Variants in TNFAIP8 observed in about 807,000 individuals in gnomAD.
The protein encoded by TNFAIP8 is tumor necrosis factor alpha-induced protein 8.
In TNFAIP8, 7 loss-of-function variants were observed where a neutral mutation model predicts 13.3. The ratio of observed to expected loss-of-function variants is 0.52; its 90% confidence interval spans 0.30 to 0.99. TNFAIP8 has a LOEUF of 0.99. Among genes scored for constraint, TNFAIP8 ranks in the 50% least tolerant of loss-of-function variants. The pLI is 0.07. For synonymous variants in TNFAIP8, 94 were observed against 87.6 expected, an observed-to-expected ratio of 1.07 and a Z score of -0.41; for missense variants, 258 against 236.9, an observed-to-expected ratio of 1.09 and a Z score of -0.58.
chr5:119,345,357 T>G (rs1307747909), intron 1 of TNFAIP8, among the ~76,000 whole-genome samples: 1 of 152,186 alleles, frequency 6.6e-6, no homozygotes, highest in Non-Finnish European at 1.5e-5. Context: ...TACCATATGA[T>G]TTAGCAATTT....
intron 1 of TNFAIP8, among the ~76,000 whole-genome samples, chr5:119,368,898 G>A (rs1020827769): frequency 5.3e-5 from 8 of 152,010 alleles, no homozygotes; most frequent in Admixed American, 3.9e-4. Context: ...GGCCTGAGTA[G>A]CCCCTGCTAT....
chr5:119,378,678 A>G (rs1371169683), intron 1 of TNFAIP8, among the ~76,000 whole-genome samples: 1 of 152,218 alleles, frequency 6.6e-6, no homozygotes. Context: ...TCTCCAAACA[A>G]AAGTAGCTGG....
intron 1 of TNFAIP8, among the ~76,000 whole-genome samples, chr5:119,309,405 C>G (rs545986733): frequency 9.9e-5 from 15 of 152,166 alleles, no homozygotes; most frequent in South Asian, 4.2e-4. Flanking sequence ...GTTTCTGGAC[C>G]CTTTTGAGAA....
At chr5:119,286,763 A>G (rs1405709955) in intron 1 of TNFAIP8, among the ~76,000 whole-genome samples, 2 of 152,202 alleles carry the variant, frequency 1.3e-5, no homozygotes, top group Admixed American at 6.5e-5. Flanking sequence ...GTGCGGGAAT[A>G]CAAAGGTGAA....
chr5:119,307,630 A>G (rs1002785894), intron 1 of TNFAIP8, among the ~76,000 whole-genome samples: 1 of 152,216 alleles, frequency 6.6e-6, no homozygotes, highest in African/African-American at 2.4e-5. Context: ...ACAATTCTCA[A>G]TTGGAGATAT....
intron 1 of TNFAIP8, among the ~76,000 whole-genome samples, chr5:119,359,345 G>T (rs1751549885): frequency 6.6e-6 from 1 of 152,188 alleles, no homozygotes; most frequent in East Asian, 1.9e-4. Context: ...CCTAAACTCA[G>T]ATCCCCTGTC....
intron 1 of TNFAIP8, chr5:119,306,740 A>G (rs1749579578): frequency 6.6e-6 from 1 of 152,102 alleles, no homozygotes; most frequent in Non-Finnish European, 1.5e-5. Context: ...CCAAGCCATT[A>G]CCTTTTAGGA....
intron 1 of TNFAIP8, among the ~76,000 whole-genome samples, chr5:119,316,716 T>A (rs1749905856): frequency 6.6e-6 from 1 of 152,214 alleles, no homozygotes; most frequent in African/African-American, 2.4e-5. Flanking sequence ...CAGGTATCAG[T>A]ATTTTTAAAA....
chr5:119,393,543 A>G lies in TNFAIP8; in HGVS notation c.*162A>G, dbSNP rs1442760077. 1 of 823,250 alleles carries G rather than the reference A, an allele frequency of 1.2e-6. No homozygotes were observed. Among genetic ancestry groups the G allele is most frequent in the Non-Finnish European group, 1.8e-6 (1 of 548,100 alleles). The allele number at this position is 823,250 out of a possible 1,614,324, so 51.0% of individuals were successfully genotyped here. On this transcript the variant is annotated 3_prime_UTR_variant, in exon 2 of 2. Transcript: ENST00000504771. ...AATGATTTATTTGAAGGCTTGTTTT[A>G]TTTGAAGAAAAGCATATTGCCAAAA...
chr5:119,367,804 T>C (rs534267839), intron 1 of TNFAIP8, among the ~76,000 whole-genome samples: 93 of 152,298 alleles, frequency 6.1e-4, no homozygotes, highest in African/African-American at 2.2e-3. Context: ...GTCTGATGAG[T>C]GTTAAAGTTC....
At chr5:119,282,873 G>A (rs1748675422) in intron 1 of TNFAIP8, among the ~76,000 whole-genome samples, 1 of 152,180 alleles carries the variant, frequency 6.6e-6, no homozygotes, top group Admixed American at 6.5e-5. Flanking sequence ...TACAAAATGG[G>A]ACCCTTGGCC....
chr5:119,313,463 C>G (rs1749794305), intron 1 of TNFAIP8, among the ~76,000 whole-genome samples: 1 of 152,122 alleles, frequency 6.6e-6, no homozygotes, highest in Admixed American at 6.5e-5. Context: ...CTGCCAAACC[C>G]CCAAATCCAG....
At position 119,394,549 on chromosome 5, in the gene TNFAIP8, C is replaced by T. The variant is rs1434373143; in HGVS notation, c.*1168C>T. On this transcript the variant is annotated 3_prime_UTR_variant, in exon 2 of 2. Coordinates refer to ENST00000504771, the MANE Select transcript of TNFAIP8 (RefSeq NM_014350.4). ...ATGAAAATCTGCTGGCCAGCTATGT[C>T]CTCTAGGAAATGACAGACCCAACCA... 6.6e-6 allele frequency: 1 copy of T among 150,762 alleles called. No homozygotes were observed. Among genetic ancestry groups the T allele is most frequent in the Admixed American group, 6.6e-5 (1 of 15,118 alleles). 9.3% of individuals were successfully genotyped at this position (150,762 alleles called of 1,614,324 possible).
At chr5:119,382,506 A>G (rs1752523365) in intron 1 of TNFAIP8, among the ~76,000 whole-genome samples, 1 of 152,212 alleles carries the variant, frequency 6.6e-6, no homozygotes, top group South Asian at 2.1e-4. Context: ...ACCTGATCAT[A>G]AGACCTGTGG....
In TNFAIP8 at chr5:119,323,084, C is replaced by A. The variant is rs1467327522; in HGVS notation, c.1+54177C>A. Among the ~76,000 whole-genome samples the A allele has an allele frequency of 2.0e-5, 3 of 152,184 alleles. No homozygotes were observed. The East Asian group carries it at 5.8e-4, about 29-fold the overall frequency. ...CGTGAATAGCTGTACACTCTATATA[C>A]TGCCTGTCACTGTGCACTGCCACCA... On this transcript the variant is annotated intron_variant, in intron 1 of 1. Transcript: ENST00000274456.
At chr5:119,377,406 TA>T (rs11445660) in intron 1 of TNFAIP8, among the ~76,000 whole-genome samples, 4 of 148,670 alleles carry the variant, frequency 2.7e-5, no homozygotes, top group African/African-American at 9.9e-5. Context: ...AAATAAGAAG[TA>T]AAAAAAAAAT....
At chr5:119,276,267 A>G (rs1475966114) in intron 1 of TNFAIP8, among the ~76,000 whole-genome samples, 1 of 151,924 alleles carries the variant, frequency 6.6e-6, no homozygotes, top group African/African-American at 2.4e-5. Context: ...ACAGGCAAAC[A>G]CCACCACATC....
chr5:119,392,132 C>T (rs1020563277), intron 1 of TNFAIP8, among the ~76,000 whole-genome samples: 2 of 152,196 alleles, frequency 1.3e-5, no homozygotes, highest in Non-Finnish European at 2.9e-5. Flanking sequence ...CCAAGGAGCA[C>T]TTCTTTTCAA....
At chr5:119,355,806 G>T, upstream of TNFAIP8, 1 of 641,020 alleles carries the variant, frequency 1.6e-6, no homozygotes, top group Non-Finnish European at 2.0e-6. Flanking sequence ...CGCCCGGGCC[G>T]AGCCAGCCCC....
Sources: allele counts gnomAD v4.1 joint callset (sites outside exome capture counted in the v4.1 genomes callset), GRCh38; gene constraint gnomAD v4.1.1; transcripts MANE v1.5; gene names NCBI Gene and HGNC (gene_info 2026-07-23, HGNC 2026-07-21).